SATB2: variants seen among roughly 807,000 people sequenced by gnomAD.
The protein encoded by SATB2 is SATB homeobox 2.
SATB2 carries 1 observed loss-of-function variant against 73.4 expected under a neutral mutation model. The ratio of observed to expected loss-of-function variants is 0.01; its 90% CI spans 0.00 to 0.06. SATB2 has a LOEUF of 0.06. SATB2 is among the 10% of genes least tolerant of loss of function. SATB2 has a pLI of 1.00. For synonymous variants in SATB2, 397 were observed against 367.0 expected (o/e 1.08, Z -0.93); for missense variants, 459 against 945.8 (o/e 0.49, Z 6.75).
intron 10 of SATB2, among the ~76,000 whole-genome samples, chr2:199,303,262 C>T (rs1310909103): frequency 1.3e-5 from 2 of 152,064 alleles, no homozygotes; most frequent in African/African-American, 4.8e-5. Flanking sequence ...ACCAACCACC[C>T]CTTTGGTTGT....
intron 3 of SATB2, among the ~76,000 whole-genome samples, chr2:199,391,299 G>A (rs1009497127): frequency 6.6e-6 from 1 of 151,850 alleles, no homozygotes; most frequent in African/African-American, 2.4e-5. Flanking sequence ...CAGGTGTGGT[G>A]GTGGGCGCCT....
chr2:199,469,430 G>A (rs527808667), upstream of SATB2, among the ~76,000 whole-genome samples: 2 of 151,380 alleles, frequency 1.3e-5, no homozygotes, highest in East Asian at 3.9e-4. Flanking sequence ...CTAAATCTAG[G>A]AAAGCCAGCC....
chr2:199,429,064 G>T (rs1691422727), intron 3 of SATB2, among the ~76,000 whole-genome samples: 1 of 150,466 alleles, frequency 6.6e-6, no homozygotes, highest in Admixed American at 6.6e-5. Flanking sequence ...GAAATCCCTT[G>T]GTTTATACAT....
intron 3 of SATB2, among the ~76,000 whole-genome samples, chr2:199,403,023 C>T (rs553185056): frequency 4.6e-5 from 7 of 152,106 alleles, no homozygotes; most frequent in Non-Finnish European, 1.0e-4. Flanking sequence ...AGTGTTAACA[C>T]CTTAAATGTC....
chr2:199,283,994 A>G (rs1692610929), intron 10 of SATB2, among the ~76,000 whole-genome samples: 1 of 152,190 alleles, frequency 6.6e-6, no homozygotes, highest in African/African-American at 2.4e-5. Context: ...AAGACAAACT[A>G]TGGTTATTCG....
In SATB2 at chr2:199,317,902, T is replaced by C. The variant is rs143924249; in HGVS notation, c.1542+5901A>G. ...CTGAGAAATTTCTTCACTAGGCATATAATATTTTTCAAATGGTATTTTTAG... is the reference window on the plus strand; with the variant it reads ...CTGAGAAATTTCTTCACTAGGCATACAATATTTTTCAAATGGTATTTTTAG... On this transcript the variant is annotated intron_variant, in intron 9 of 10. Coordinates refer to ENST00000417098, the MANE Select transcript of SATB2 (RefSeq NM_001172509.2). Among the ~76,000 whole-genome samples the C allele has an allele frequency of 1.2e-3, 180 of 152,200 alleles. 1 individual carries two copies. In the East Asian group the frequency reaches 0.02, roughly 16 times the overall value.
At chr2:199,383,713 G>A (rs1440322988) in intron 3 of SATB2, among the ~76,000 whole-genome samples, 1 of 152,140 alleles carries the variant, frequency 6.6e-6, no homozygotes, top group Non-Finnish European at 1.5e-5. Flanking sequence ...AAGCTTCAAC[G>A]CACAACTCTA....
At chr2:199,413,645 C>A (rs1191965747) in intron 3 of SATB2, among the ~76,000 whole-genome samples, 2 of 145,510 alleles carry the variant, frequency 1.4e-5, no homozygotes, top group Non-Finnish European at 3.0e-5. Flanking sequence ...GCTCTCTAGT[C>A]CTGAGACTGA....
At chr2:199,388,964 A>C (rs1690039170) in intron 3 of SATB2, among the ~76,000 whole-genome samples, 1 of 152,174 alleles carries the variant, frequency 6.6e-6, no homozygotes, top group South Asian at 2.1e-4. Context: ...ATGCTTTGTT[A>C]AAGAAATTAA....
chr2:199,353,039 T>A (rs937516378), intron 6 of SATB2, among the ~76,000 whole-genome samples: 1 of 151,460 alleles, frequency 6.6e-6, no homozygotes, highest in Admixed American at 6.6e-5. Context: ...AGAAAAAAAA[T>A]TATCATCCCG....
intron 2 of SATB2, among the ~76,000 whole-genome samples, chr2:199,440,961 G>T (rs974126024): frequency 6.6e-6 from 1 of 151,582 alleles, no homozygotes; most frequent in Non-Finnish European, 1.5e-5. Context: ...CGATTCTCCT[G>T]CCTCAGCCTC....
intron 5 of SATB2, among the ~76,000 whole-genome samples, chr2:199,380,110 C>G (rs1029839062): frequency 6.6e-6 from 1 of 152,066 alleles, no homozygotes; most frequent in African/African-American, 2.4e-5. Context: ...TTTCAAACTC[C>G]TGAGCTCAAG....
chr2:199,291,017 A>G (rs568044959), intron 10 of SATB2, among the ~76,000 whole-genome samples: 9 of 152,234 alleles, frequency 5.9e-5, no homozygotes, highest in East Asian at 1.9e-4. Flanking sequence ...CTGAATTGTC[A>G]ATGGCTCCCA....
chr2:199,334,334 T>A (rs1688274125), intron 7 of SATB2, among the ~76,000 whole-genome samples: 1 of 152,186 alleles, frequency 6.6e-6, no homozygotes, highest in African/African-American at 2.4e-5. Flanking sequence ...TTACATCTCT[T>A]TAAAGGTATA....
chr2:199,379,747 C>T (rs867176218), intron 5 of SATB2, among the ~76,000 whole-genome samples: 28 of 145,504 alleles, frequency 1.9e-4, no homozygotes, highest in Middle Eastern at 3.7e-3. Context: ...AGGCTGGTCT[C>T]GAACTCCAAG....
At chr2:199,322,112 C>T (rs1311129997) in intron 9 of SATB2, among the ~76,000 whole-genome samples, 1 of 152,176 alleles carries the variant, frequency 6.6e-6, no homozygotes, top group Admixed American at 6.6e-5. Flanking sequence ...AAAAGCCATA[C>T]TGCTAAATCA....
upstream of SATB2, among the ~76,000 whole-genome samples, chr2:199,469,098 G>A (rs1029712829): frequency 6.6e-6 from 1 of 152,162 alleles, no homozygotes; most frequent in Admixed American, 6.5e-5. Flanking sequence ...CCCACATCTC[G>A]AGTCTCCAGT....
At chr2:199,386,772 G>T (rs1249531919) in intron 3 of SATB2, among the ~76,000 whole-genome samples, 1 of 146,118 alleles carries the variant, frequency 6.8e-6, no homozygotes, top group Non-Finnish European at 1.5e-5. Flanking sequence ...ACACACCTTT[G>T]AGTTCAGCCA....
At chr2:199,438,219 A>G (rs1357374643) in intron 2 of SATB2, among the ~76,000 whole-genome samples, 1 of 152,254 alleles carries the variant, frequency 6.6e-6, no homozygotes, top group East Asian at 1.9e-4. Context: ...CTTTTAGTGT[A>G]GCTACTAGAA....
Sources: gnomAD v4.1 joint callset for allele counts (sites outside exome capture counted in the v4.1 genomes callset) on GRCh38, gnomAD v4.1.1 for gene constraint, MANE v1.5 for transcripts, NCBI Gene and HGNC (gene_info 2026-07-23, HGNC 2026-07-21) for gene names.